The following INSC variants were observed in gnomAD, a reference collection of about 807,000 sequenced individuals.
INSC encodes the protein protein inscuteable homolog.
Under a neutral mutation model 58.6 loss-of-function variants are expected in INSC, and 67 were observed. The observed-to-expected ratio is 1.14, with a 90% confidence interval of 0.94 to 1.40. The LOEUF is 1.40. Ranked by LOEUF, INSC falls within the 40% of genes most tolerant of loss-of-function variation. The pLI is 0.00. For missense variants in INSC, 714 were observed against 692.0 expected (o/e 1.03, Z -0.36); for synonymous variants, 262 against 276.1 (o/e 0.95, Z 0.51).
chr11:15,183,833 A>T (rs948590476), intron 5 of INSC, among the ~76,000 whole-genome samples: 4 of 152,186 alleles, frequency 2.6e-5, no homozygotes, highest in Admixed American at 6.5e-5. Flanking sequence ...TTACATTTTT[A>T]AAAAAATGTG....
intron 1 of INSC, among the ~76,000 whole-genome samples, chr11:15,147,771 G>A (rs1351082563): frequency 6.6e-6 from 1 of 152,118 alleles, no homozygotes; most frequent in Non-Finnish European, 1.5e-5. Context: ...GTTTATTCTG[G>A]GCTCCTGCCT....
intron 7 of INSC, among the ~76,000 whole-genome samples, chr11:15,212,450 G>C (rs10832373): frequency 6.6e-6 from 1 of 151,994 alleles, no homozygotes; most frequent in Non-Finnish European, 1.5e-5. Flanking sequence ...ACTGGGCCCC[G>C]CCAGAAATTG....
chr11:15,129,049 A>G (rs1848064866), intron 1 of INSC, among the ~76,000 whole-genome samples: 1 of 152,210 alleles, frequency 6.6e-6, no homozygotes, highest in Non-Finnish European at 1.5e-5. Flanking sequence ...GCTTGGGGCA[A>G]GAGGGAACCT....
chr11:15,199,223 C>T (rs552646949), intron 6 of INSC, among the ~76,000 whole-genome samples: 51 of 152,310 alleles, frequency 3.3e-4, no homozygotes, highest in Non-Finnish European at 5.6e-4. Flanking sequence ...AATGAATGTA[C>T]TAGCCCTAAG....
At chr11:15,226,438 C>T (rs1311012730) in intron 9 of INSC, among the ~76,000 whole-genome samples, 1 of 152,146 alleles carries the variant, frequency 6.6e-6, no homozygotes, top group Non-Finnish European at 1.5e-5. Flanking sequence ...TGTTTGAAAA[C>T]ATAGAATGGG....
At chr11:15,239,422 T>C (rs1564923435) in intron 11 of INSC, among the ~76,000 whole-genome samples, 1 of 152,240 alleles carries the variant, frequency 6.6e-6, no homozygotes, top group Non-Finnish European at 1.5e-5. Flanking sequence ...CTTGTTCATT[T>C]ACTCATTAAT....
rs150344445 is a variant in INSC at position 15,169,984 on chromosome 11, C to T, written c.57-5757C>T. On this transcript the variant is annotated intron_variant, in intron 2 of 12. Coordinates refer to ENST00000379556, the MANE Select transcript of INSC (RefSeq NM_001042536.3). ...TTGGTTCCAGGACTTCCCACAGTTA[C>T]GAAAATGTGTGAATCCTCCAGTCCC... 2.0e-3 allele frequency among the ~76,000 whole-genome samples: 304 copies of T among 152,230 alleles called. 1 individual carries two copies. The highest frequency in any genetic ancestry group is 6.8e-3 in the African/African-American group (283 of 41,544).
At chr11:15,186,134 A>T (rs1482916483) in intron 5 of INSC, among the ~76,000 whole-genome samples, 18 of 152,132 alleles carry the variant, frequency 1.2e-4, no homozygotes, top group Non-Finnish European at 5.9e-5. Context: ...GCCACTCTTG[A>T]TGTTCCCGAA....
intron 2 of INSC, among the ~76,000 whole-genome samples, chr11:15,171,333 C>G (rs1290287502): frequency 6.6e-6 from 1 of 152,128 alleles, no homozygotes; most frequent in Non-Finnish European, 1.5e-5. Flanking sequence ...CCTCCCCTGC[C>G]CTGCCCACCC....
intron 2 of INSC, among the ~76,000 whole-genome samples, chr11:15,163,177 G>A (rs1458329485): frequency 6.6e-6 from 1 of 152,066 alleles, no homozygotes; most frequent in Non-Finnish European, 1.5e-5. Flanking sequence ...ATTTCCTTGA[G>A]TATTTTAAAT....
intron 9 of INSC, among the ~76,000 whole-genome samples, chr11:15,231,777 C>T (rs1210578004): frequency 3.9e-5 from 6 of 152,224 alleles, no homozygotes; most frequent in African/African-American, 1.2e-4. Flanking sequence ...GAGCACCTGT[C>T]TCTACTTGGG....
chr11:15,172,408 A>G (rs1416350950), intron 2 of INSC, among the ~76,000 whole-genome samples: 2 of 152,148 alleles, frequency 1.3e-5, no homozygotes, highest in African/African-American at 4.8e-5. Context: ...CCACTCAACA[A>G]TGGGCATACA....
intron 7 of INSC, among the ~76,000 whole-genome samples, chr11:15,203,359 G>A (rs543803663): frequency 1.3e-5 from 2 of 152,288 alleles, no homozygotes; most frequent in Non-Finnish European, 2.9e-5. Flanking sequence ...AGGCCAGATT[G>A]CTTATAATAC....
At chr11:15,222,039 G>A (rs1251188009) in intron 8 of INSC, among the ~76,000 whole-genome samples, 3 of 152,082 alleles carry the variant, frequency 2.0e-5, no homozygotes, top group Admixed American at 2.0e-4. Context: ...CAGTGACTAT[G>A]GCAGCAATGA....
At chr11:15,214,367 C>T (rs563316504) in intron 7 of INSC, among the ~76,000 whole-genome samples, 25 of 152,290 alleles carry the variant, frequency 1.6e-4, no homozygotes, top group African/African-American at 2.9e-4. Flanking sequence ...AGTGCATTCC[C>T]GTGATTCTGT....
the INSC span, among the ~76,000 whole-genome samples, chr11:15,266,378 C>T: frequency 1.8e-4 from 28 of 152,014 alleles, 1 homozygote; most frequent in South Asian, 5.6e-3. Flanking sequence ...CTATTAGCAA[C>T]TTTAAGGTCA....
rs1386291187 is a variant in INSC at position 15,185,057 on chromosome 11, G to A, written c.580-5644G>A. ...GGAATTTTTTCCAGAAATTGAGAAA[G>A]TAAATGAACACCTCTAAAGATTGGG... On this transcript the variant is annotated intron_variant, in intron 5 of 12. Transcript: ENST00000379556. Among the ~76,000 whole-genome samples, 5 of 152,174 alleles carry A rather than the reference G, an allele frequency of 3.3e-5. No individual in the cohort carries two copies. The East Asian group carries it at 9.6e-4, about 29-fold the overall frequency.
intron 5 of INSC, 137 bp from the exon 6 acceptor site, chr11:15,190,564 A>G: frequency 1.4e-6 from 1 of 699,004 alleles, no homozygotes; most frequent in Non-Finnish European, 2.6e-6. Context: ...CATTGCACTC[A>G]CAATGAGGCA....
intron 1 of INSC, among the ~76,000 whole-genome samples, chr11:15,135,922 C>A: frequency 6.6e-6 from 1 of 152,142 alleles, no homozygotes; most frequent in East Asian, 1.9e-4. Context: ...TGATGCCTTG[C>A]ATGCTGTGCT....
Sources: gnomAD v4.1 joint callset for allele counts (sites outside exome capture counted in the v4.1 genomes callset) on GRCh38, gnomAD v4.1.1 for gene constraint, MANE v1.5 for transcripts, NCBI Gene and HGNC (gene_info 2026-07-23, HGNC 2026-07-21) for gene names.